Variants in KCNQ1OT1 observed in about 807,000 individuals in gnomAD.
The protein encoded by KCNQ1OT1 is KCNQ1 opposite strand/antisense transcript 1.
chr11:2,650,071 C>T (rs908633146), exon 1 of KCNQ1OT1: 1 of 398,208 alleles, frequency 2.5e-6, no homozygotes, highest in Non-Finnish European at 4.4e-6. Context: ...ACTTAGCCGG[C>T]TTTTGAAGCT....
Position 2,653,968 on chromosome 11 carries a change from C to G in KCNQ1OT1, n.46027G>C, listed in dbSNP as rs1050787524. 2.5e-6 allele frequency: 1 copy of G among 398,694 alleles called. No individual in the cohort carries two copies. Among genetic ancestry groups the G allele is most frequent in the African/African-American group, 2.1e-5 (1 of 48,772 alleles). 24.7% of individuals were successfully genotyped at this position (398,694 alleles called of 1,614,324 possible). The stretch of plus-strand genomic sequence containing the variant: ...CAAAAACAACAGGTGTCCACTCAAG[C>G]AAGGTATTTTCCTAAGCGGAACTGG... On this transcript the variant is annotated non_coding_transcript_exon_variant, in exon 1 of 1. Coordinates refer to ENST00000597346, the Ensembl canonical transcript of KCNQ1OT1. The surrounding 1 kb of genome is among the most constrained non-coding windows in gnomAD (Gnocchi z 5.3).
exon 1 of KCNQ1OT1, chr11:2,689,726 C>A: frequency 2.5e-6 from 1 of 398,650 alleles, no homozygotes; most frequent in South Asian, 1.3e-4. Context: ...CCTAGAGTGC[C>A]AGAGACTTAG....
At position 2,675,772 on chromosome 11, in the gene KCNQ1OT1, C is replaced by T. The variant is rs562794123; in HGVS notation, n.24223G>A. 27 of 398,692 alleles carry T rather than the reference C, an allele frequency of 6.8e-5. No individual in the cohort carries two copies. In the South Asian group the frequency reaches 1.1e-3, roughly 17 times the overall value. 24.7% of individuals were successfully genotyped at this position (398,692 alleles called of 1,614,324 possible). The stretch of plus-strand genomic sequence containing the variant: ...AACCAGAGACTCACAGCACTGTGTG[C>T]GGGGAGCTGCTGCCCGCAGGGCATA... On this transcript the variant is annotated non_coding_transcript_exon_variant, in exon 1 of 1. Transcript: ENST00000597346.
At chr11:2,639,524 G>C (rs540200769) in exon 1 of KCNQ1OT1, 1 of 152,736 alleles carries the variant, frequency 6.5e-6, no homozygotes, top group African/African-American at 2.4e-5. Flanking sequence ...CTGCAGAACA[G>C]CGAATACTGC....
At chr11:2,684,767 G>C in exon 1 of KCNQ1OT1, 1 of 398,648 alleles carries the variant, frequency 2.5e-6, no homozygotes. Context: ...AGGGAGGACT[G>C]CCTCCCAGCC....
exon 1 of KCNQ1OT1, chr11:2,693,019 G>A: frequency 2.5e-6 from 1 of 398,648 alleles, no homozygotes; most frequent in Non-Finnish European, 4.4e-6. Context: ...CTCAGTGAAG[G>A]AACAGGAAGT....
Position 2,676,598 on chromosome 11 carries a change from C to T in KCNQ1OT1, n.23397G>A. 1 of 398,626 alleles carries T rather than the reference C, an allele frequency of 2.5e-6. No individual in the cohort carries two copies. Among genetic ancestry groups the T allele is most frequent in the East Asian group, 3.6e-5 (1 of 28,074 alleles). The allele number at this position is 398,626 out of a possible 1,614,324, so 24.7% of individuals were successfully genotyped here. On this transcript the variant is annotated non_coding_transcript_exon_variant, in exon 1 of 1. Transcript: ENST00000597346. This position sits in a 1 kb window ranked among gnomAD's most constrained non-coding sequence, Gnocchi z 4.2. ...TACTGGGTATTCAACAGCCAGCTCTCCAAAGAGGCCTCTAAGAAATGGGTA... is the reference window on the plus strand; with the variant it reads ...TACTGGGTATTCAACAGCCAGCTCTTCAAAGAGGCCTCTAAGAAATGGGTA...
chr11:2,682,683 C>T lies in KCNQ1OT1; in HGVS notation n.17312G>A. 1 of 398,620 alleles carries T rather than the reference C, an allele frequency of 2.5e-6. No individual in the cohort carries two copies. Among genetic ancestry groups the T allele is most frequent in the East Asian group, 3.6e-5 (1 of 28,080 alleles). The allele number at this position is 398,620 out of a possible 1,614,324, so 24.7% of individuals were successfully genotyped here. On this transcript the variant is annotated non_coding_transcript_exon_variant, in exon 1 of 1. Transcript: ENST00000597346. The surrounding 1 kb of genome is among the most constrained non-coding windows in gnomAD (Gnocchi z 5.8). ...GTCCACATGCTATTGTCCATAGAAG[C>T]TGGGGTCCAAAGTTGACCAGAATAT...
Position 2,658,235 on chromosome 11 carries a change from G to C in KCNQ1OT1, n.41760C>G, listed in dbSNP as rs991799052. The C allele has an allele frequency of 2.5e-6, 1 of 398,584 alleles. No individual in the cohort carries two copies. The highest frequency in any genetic ancestry group is 4.4e-6 in the Non-Finnish European group (1 of 226,062). 24.7% of individuals were successfully genotyped at this position (398,584 alleles called of 1,614,324 possible). A position where few individuals can be genotyped will look rare whatever the true frequency, so the allele number is the denominator to read the frequency against. On this transcript the variant is annotated non_coding_transcript_exon_variant, in exon 1 of 1. Coordinates refer to ENST00000597346, the Ensembl canonical transcript of KCNQ1OT1. The surrounding 1 kb of genome is among the most constrained non-coding windows in gnomAD (Gnocchi z 4.9). Reference sequence around the variant, plus strand: ...TTCATTCATGGATCGTTTTCCTGCAGCAAATATTACCGTGATGTACTTCTA... The same window carrying C: ...TTCATTCATGGATCGTTTTCCTGCACCAAATATTACCGTGATGTACTTCTA...
rs554698707 is a variant in KCNQ1OT1 at position 2,642,678 on chromosome 11, GTTAT to G, written n.57313_57316del. 8.3e-5 allele frequency: 33 copies of G among 397,398 alleles called. No individual in the cohort carries two copies. The highest frequency in any genetic ancestry group is 1.2e-4 in the Non-Finnish European group (28 of 225,576). The allele number at this position is 397,398 out of a possible 1,614,324, so 24.6% of individuals were successfully genotyped here. On this transcript the variant is annotated non_coding_transcript_exon_variant, in exon 1 of 1. Transcript: ENST00000597346. The surrounding 1 kb of genome is among the most constrained non-coding windows in gnomAD (Gnocchi z 4.3). ...CTTGTTTAGTTCTGCTCTGATCTTCGTTATTTCTTTCCTTCTACTAATTTTATGT... is the reference window on the plus strand; with the variant it reads ...CTTGTTTAGTTCTGCTCTGATCTTCGTTCTTTCCTTCTACTAATTTTATGT...
At position 2,659,901 on chromosome 11, in the gene KCNQ1OT1, T is replaced by C. The variant is rs573344452; in HGVS notation, n.40094A>G. On this transcript the variant is annotated non_coding_transcript_exon_variant, in exon 1 of 1. Transcript: ENST00000597346. The surrounding 1 kb of genome is among the most constrained non-coding windows in gnomAD (Gnocchi z 4.3). ...TTTAAAATTGGATTGTTCACTTTAT[T>C]GTCAAGTTGTAAGCATTCTTTATAT... is the stretch of plus-strand genomic sequence containing the variant. 3 of 398,500 alleles carry C rather than the reference T, an allele frequency of 7.5e-6. No homozygotes were observed. The highest frequency in any genetic ancestry group is 2.5e-4 in the South Asian group (2 of 7,858). The allele number at this position is 398,500 out of a possible 1,614,324, so 24.7% of individuals were successfully genotyped here.
chr11:2,692,951 C>G, exon 1 of KCNQ1OT1: 1 of 398,690 alleles, frequency 2.5e-6, no homozygotes, highest in African/African-American at 2.1e-5. Context: ...TGCCCATACG[C>G]TCAATAATGA....
exon 1 of KCNQ1OT1, chr11:2,681,354 C>T (rs1257823348): frequency 2.5e-6 from 1 of 398,360 alleles, no homozygotes; most frequent in African/African-American, 2.1e-5. Context: ...TTGTAGCTCC[C>T]TGCTCACTCC....
chr11:2,665,485 T>C, exon 1 of KCNQ1OT1: 1 of 395,934 alleles, frequency 2.5e-6, no homozygotes, highest in Non-Finnish European at 4.4e-6. Flanking sequence ...GTGCCATGCC[T>C]GTGTGCATCC....
rs1849216000 is a variant in KCNQ1OT1 at position 2,623,806 on chromosome 11, G to T, written n.76189C>A. ...ATACCAAGGATGTGATTGCTGAACT[G>T]CATGGTAAGAATATGTTTAATTTTA... is the stretch of plus-strand genomic sequence containing the variant. On this transcript the variant is annotated non_coding_transcript_exon_variant, in exon 1 of 1. Transcript: ENST00000597346. The surrounding 1 kb of genome is among the most constrained non-coding windows in gnomAD (Gnocchi z 5.2). The T allele has an allele frequency of 1.5e-5, 6 of 398,496 alleles. No individual in the cohort carries two copies. The East Asian group carries it at 2.1e-4, about 14-fold the overall frequency. The allele number at this position is 398,496 out of a possible 1,614,324, so 24.7% of individuals were successfully genotyped here. A position where few individuals can be genotyped will look rare whatever the true frequency, so the allele number is the denominator to read the frequency against.
At chr11:2,696,082 A>C (rs4930148) in exon 1 of KCNQ1OT1, 1 of 398,464 alleles carries the variant, frequency 2.5e-6, no homozygotes. Context: ...GCCATGATGG[A>C]TTTATTTAAC....
chr11:2,611,873 T>G lies in KCNQ1OT1; in HGVS notation n.88122A>C, dbSNP rs1848984113. ...TTCCTTTGTTAGTTTATTTCCCCCATTTTTAAAGTGTAATCTGGAGGTTAC... is the reference window on the plus strand; with the variant it reads ...TTCCTTTGTTAGTTTATTTCCCCCAGTTTTAAAGTGTAATCTGGAGGTTAC... On this transcript the variant is annotated non_coding_transcript_exon_variant, in exon 1 of 1. Coordinates refer to ENST00000597346, the Ensembl canonical transcript of KCNQ1OT1. The surrounding 1 kb of genome is among the most constrained non-coding windows in gnomAD (Gnocchi z 5.3). 2.5e-6 allele frequency: 1 copy of G among 398,374 alleles called. No individual in the cohort carries two copies. The highest frequency in any genetic ancestry group is 2.1e-5 in the African/African-American group (1 of 48,624). 24.7% of individuals were successfully genotyped at this position (398,374 alleles called of 1,614,324 possible).
At position 2,668,059 on chromosome 11, in the gene KCNQ1OT1, C is replaced by T. The variant is rs1850115494; in HGVS notation, n.31936G>A. Reference sequence around the variant, plus strand: ...GCTTTGCCCACATTTGAACTTTATGCGGTGGGAATGATGCAACTCATACAC... The same window carrying T: ...GCTTTGCCCACATTTGAACTTTATGTGGTGGGAATGATGCAACTCATACAC... On this transcript the variant is annotated non_coding_transcript_exon_variant, in exon 1 of 1. Coordinates refer to ENST00000597346, the Ensembl canonical transcript of KCNQ1OT1. The surrounding 1 kb of genome is among the most constrained non-coding windows in gnomAD (Gnocchi z 4.3). 2.5e-5 allele frequency: 10 copies of T among 398,600 alleles called. No individual in the cohort carries two copies. The highest frequency in any genetic ancestry group is 8.8e-5 in the Admixed American group (2 of 22,730). The allele number at this position is 398,600 out of a possible 1,614,324, so 24.7% of individuals were successfully genotyped here.
Position 2,674,261 on chromosome 11 carries a change from GC to G in KCNQ1OT1, n.25733del. On this transcript the variant is annotated non_coding_transcript_exon_variant, in exon 1 of 1. Coordinates refer to ENST00000597346, the Ensembl canonical transcript of KCNQ1OT1. The surrounding 1 kb of genome is among the most constrained non-coding windows in gnomAD (Gnocchi z 5.9). Reference sequence around the variant, plus strand: ...CAGAGCTGGAGGCCCCTCTCTCCCAGCCCCCGGCACACACACTAGGACCTTT... The same window carrying G: ...CAGAGCTGGAGGCCCCTCTCTCCCAGCCCCGGCACACACACTAGGACCTTT... 2.5e-6 allele frequency: 1 copy of G among 398,660 alleles called. No homozygotes were observed. The highest frequency in any genetic ancestry group is 4.4e-6 in the Non-Finnish European group (1 of 226,122). 24.7% of individuals were successfully genotyped at this position (398,660 alleles called of 1,614,324 possible). A position where few individuals can be genotyped will look rare whatever the true frequency, so the allele number is the denominator to read the frequency against.
Sources: gnomAD v4.1 joint callset for allele counts on GRCh38, gnomAD v4.1.1 for gene constraint, Gnocchi (gnomAD v3.1) non-coding constraint, MANE v1.5 for transcripts, NCBI Gene and HGNC (gene_info 2026-07-23, HGNC 2026-07-21) for gene names.